Variants in HECW1 observed in about 807,000 individuals in gnomAD.
HECW1 encodes E3 ubiquitin-protein ligase HECW1.
Under a neutral mutation model 182.3 loss-of-function variants are expected in HECW1, and 61 were observed. The ratio of observed to expected loss-of-function variants is 0.33; its 90% CI spans 0.27 to 0.41. HECW1 has a LOEUF of 0.41. Ranked by LOEUF, HECW1 falls within the 10% of genes least tolerant of loss-of-function variation. The pLI, the probability that HECW1 is intolerant of heterozygous loss-of-function variation, is 1.00. For missense variants in HECW1, 1,739 were observed against 2,108.9 expected (o/e 0.82, Z 3.44); for synonymous variants, 859 against 832.6 (o/e 1.03, Z -0.55).
chr7:43,471,326 G>A lies in HECW1; in HGVS notation c.3099+2221G>A, dbSNP rs146967969. ...TTAGGAATACAACTCACTAAACAGTGGGGTGGCCATAGCTCACTATGCAAA... is the reference window on the plus strand; with the variant it reads ...TTAGGAATACAACTCACTAAACAGTAGGGTGGCCATAGCTCACTATGCAAA... On this transcript the variant is annotated intron_variant, in intron 16 of 29. Transcript: ENST00000395891. Among the ~76,000 whole-genome samples the A allele has an allele frequency of 3.2e-3, 481 of 152,324 alleles. 2 individuals are homozygous for A. The highest frequency in any genetic ancestry group is 0.011 in the African/African-American group (467 of 41,570).
chr7:43,215,919 G>A (rs1796402572), intron 2 of HECW1, among the ~76,000 whole-genome samples: 1 of 152,220 alleles, frequency 6.6e-6, no homozygotes, highest in South Asian at 2.1e-4. Context: ...TAGGGCCAGT[G>A]TTCAGAGACC....
intron 3 of HECW1, among the ~76,000 whole-genome samples, chr7:43,299,928 G>A (rs1806518024): frequency 2.0e-5 from 3 of 152,302 alleles, no homozygotes; most frequent in Non-Finnish European, 4.4e-5. Context: ...CACTCATCTA[G>A]GTCACCTGAT....
At chr7:43,507,336 G>A (rs1161481244) in intron 22 of HECW1, 79 bp downstream of exon 22, 15 of 1,396,266 alleles carry the variant, frequency 1.1e-5, no homozygotes, top group Non-Finnish European at 1.5e-5. Context: ...TTGTAATATT[G>A]TTTTTGAGAC....
Position 43,479,598 on chromosome 7 carries a change from G to A in HECW1, c.3100-12G>A. On this transcript the variant is annotated splice_polypyrimidine_tract_variant and intron_variant, in intron 16 of 29. Coordinates refer to ENST00000395891, the MANE Select transcript of HECW1 (RefSeq NM_015052.5). ...CACCACACGGTGCTTTTTTTCACTG[G>A]TCTGTTCGCAGTCTTTTTTCGTGGA... 2 of 1,613,806 alleles carry A rather than the reference G, an allele frequency of 1.2e-6. No individual in the cohort carries two copies.
chr7:43,410,972 T>C (rs2075782052), intron 8 of HECW1, among the ~76,000 whole-genome samples: 1 of 151,982 alleles, frequency 6.6e-6, no homozygotes, highest in Admixed American at 6.6e-5. Context: ...TCATTTTCTC[T>C]ATGTTTAACT....
At chr7:43,410,794 G>A (rs1464656851) in intron 8 of HECW1, among the ~76,000 whole-genome samples, 2 of 152,100 alleles carry the variant, frequency 1.3e-5, no homozygotes, top group Non-Finnish European at 2.9e-5. Context: ...TTGGCATAAA[G>A]TTGTTCAAAG....
chr7:43,139,059 C>T (rs923795963), intron 2 of HECW1, among the ~76,000 whole-genome samples: 2 of 152,124 alleles, frequency 1.3e-5, no homozygotes, highest in South Asian at 2.1e-4. Flanking sequence ...TCACATCCTT[C>T]GTGCCATTTT....
chr7:43,284,712 C>G (rs753352557), intron 3 of HECW1, among the ~76,000 whole-genome samples: 1 of 152,096 alleles, frequency 6.6e-6, no homozygotes, highest in Non-Finnish European at 1.5e-5. Context: ...AATTTCCCTT[C>G]CCTGAAATAA....
intron 3 of HECW1, among the ~76,000 whole-genome samples, chr7:43,290,106 C>T (rs1419948957): frequency 6.6e-6 from 1 of 152,174 alleles, no homozygotes; most frequent in Non-Finnish European, 1.5e-5. Context: ...CTTACTTAAT[C>T]TCTCCTAGAT....
chr7:43,461,693 G>A (rs574167141), intron 13 of HECW1, among the ~76,000 whole-genome samples: 4 of 152,162 alleles, frequency 2.6e-5, no homozygotes, highest in South Asian at 2.1e-4. Flanking sequence ...ACAGATGTAC[G>A]GGGTGGTGAA....
intron 9 of HECW1, chr7:43,440,092 A>G (rs116997906): frequency 0.15 from 23,390 of 152,186 alleles, 1,958 homozygotes; most frequent in Middle Eastern, 0.23. Flanking sequence ...CGTGGTTAGG[A>G]GCAGAGTGTT....
At chr7:43,543,166 A>G (rs1222230913) in intron 26 of HECW1, among the ~76,000 whole-genome samples, 1 of 152,224 alleles carries the variant, frequency 6.6e-6, no homozygotes, top group Non-Finnish European at 1.5e-5. Flanking sequence ...GGTTTGGGGA[A>G]CCTCATTTTC....
At position 43,418,235 on chromosome 7, in the gene HECW1, C is replaced by T. The variant is rs540619628; in HGVS notation, c.801+10504C>T. Among the ~76,000 whole-genome samples, 4 of 152,222 alleles carry T rather than the reference C, an allele frequency of 2.6e-5. No individual in the cohort carries two copies. In the South Asian group the frequency reaches 8.3e-4, roughly 32 times the overall value. ...TTAACTTGATTACATCTGTAAAGAC[C>T]CTATTTCCAAATAAGTTTGCATTCA... On this transcript the variant is annotated intron_variant, in intron 8 of 29. Coordinates refer to ENST00000395891, the MANE Select transcript of HECW1 (RefSeq NM_015052.5).
intron 7 of HECW1, among the ~76,000 whole-genome samples, chr7:43,406,484 A>T (rs1584792790): frequency 6.6e-6 from 1 of 152,346 alleles, no homozygotes; most frequent in East Asian, 1.9e-4. Context: ...CGTCAGTAAC[A>T]AATTATTGAA....
intron 3 of HECW1, among the ~76,000 whole-genome samples, chr7:43,276,088 A>T (rs1803106415): frequency 6.6e-6 from 1 of 152,192 alleles, no homozygotes; most frequent in Non-Finnish European, 1.5e-5. Flanking sequence ...GTTCCTGTTG[A>T]TGGGGGCCCA....
In HECW1 at chr7:43,524,963, G is replaced by A. The variant is rs75761039; in HGVS notation, c.4019+15842G>A. Among the ~76,000 whole-genome samples, 690 of 152,264 alleles carry A rather than the reference G, an allele frequency of 4.5e-3. 5 individuals carry two copies. The highest frequency in any genetic ancestry group is 0.015 in the African/African-American group (641 of 41,542). ...TGAGGAGGTTTTCACGAGAATCAGC[G>A]TTAATTAACTTGAGCAGACTCTTTA... On this transcript the variant is annotated intron_variant, in intron 24 of 29. Coordinates refer to ENST00000395891, the MANE Select transcript of HECW1 (RefSeq NM_015052.5).
intron 16 of HECW1, among the ~76,000 whole-genome samples, chr7:43,470,799 A>G (rs1233302939): frequency 6.6e-6 from 1 of 152,232 alleles, no homozygotes; most frequent in African/African-American, 2.4e-5. Context: ...ACACACACAT[A>G]CACACACTCA....
At chr7:43,122,663 C>T (rs963482036) in intron 2 of HECW1, among the ~76,000 whole-genome samples, 62 of 152,002 alleles carry the variant, frequency 4.1e-4, no homozygotes, top group African/African-American at 1.4e-3. Context: ...AGAAAAATAG[C>T]GGAAATTCAC....
intron 6 of HECW1, among the ~76,000 whole-genome samples, chr7:43,373,212 T>C (rs1320442272): frequency 6.6e-6 from 1 of 150,854 alleles, no homozygotes; most frequent in Non-Finnish European, 1.5e-5. Context: ...TTTTTTTTTT[T>C]TTTTTTTTTC....
Sources: allele counts gnomAD v4.1 joint callset (sites outside exome capture counted in the v4.1 genomes callset), GRCh38; gene constraint gnomAD v4.1.1; transcripts MANE v1.5; gene names NCBI Gene and HGNC (gene_info 2026-07-23, HGNC 2026-07-21).